The following MEMO1 variants were observed in gnomAD, a reference collection of about 807,000 sequenced individuals.
MEMO1 encodes the protein protein MEMO1.
Under a neutral mutation model 45.2 loss-of-function variants are expected in MEMO1, and 6 were observed. The observed-to-expected ratio is 0.13, with a 90% confidence interval of 0.07 to 0.26. The LOEUF (loss-of-function observed/expected upper bound fraction) is 0.26, where lower values mean the gene tolerates loss of function less well. Among genes scored for constraint, MEMO1 ranks in the 10% least tolerant of loss-of-function variants. MEMO1 has a pLI of 1.00. For missense variants in MEMO1, 184 were observed against 370.5 expected, an observed-to-expected ratio of 0.50 and a Z score of 4.13; for synonymous variants, 78 against 124.3, an observed-to-expected ratio of 0.63 and a Z score of 2.48.
chr2:31,977,209 G>A (rs1444006322), intron 2 of MEMO1, among the ~76,000 whole-genome samples: 2 of 152,260 alleles, frequency 1.3e-5, no homozygotes, highest in East Asian at 3.9e-4. Context: ...AACCTGCATA[G>A]TTGAGAAAGG....
intron 2 of MEMO1, among the ~76,000 whole-genome samples, chr2:31,977,507 CT>C (rs1572872375): frequency 6.6e-6 from 1 of 151,984 alleles, no homozygotes; most frequent in East Asian, 1.9e-4. Flanking sequence ...AATTTATTTA[CT>C]TATTTAATTT....
chr2:31,945,583 T>C (rs555914920), intron 2 of MEMO1, among the ~76,000 whole-genome samples: 1 of 152,316 alleles, frequency 6.6e-6, no homozygotes, highest in East Asian at 1.9e-4. Flanking sequence ...TCTGCCTGCT[T>C]AGAGATGTAT....
At chr2:31,981,074 A>C (rs1670578661) in intron 2 of MEMO1, among the ~76,000 whole-genome samples, 1 of 152,234 alleles carries the variant, frequency 6.6e-6, no homozygotes, top group African/African-American at 2.4e-5. Flanking sequence ...GAATAACCTA[A>C]TGTCAAAATA....
chr2:31,948,052 G>C (rs1417607931), intron 2 of MEMO1, among the ~76,000 whole-genome samples: 1 of 152,214 alleles, frequency 6.6e-6, no homozygotes, highest in East Asian at 1.9e-4. Flanking sequence ...CAGTAGGACT[G>C]AGATTCTGCA....
At chr2:31,956,767 C>T (rs550101335) in intron 2 of MEMO1, among the ~76,000 whole-genome samples, 8 of 152,256 alleles carry the variant, frequency 5.3e-5, no homozygotes, top group African/African-American at 9.6e-5. Context: ...AGGTACAATA[C>T]GTTGCCATTT....
intron 2 of MEMO1, among the ~76,000 whole-genome samples, chr2:31,950,106 C>T (rs1666662523): frequency 6.6e-6 from 1 of 152,108 alleles, no homozygotes; most frequent in Non-Finnish European, 1.5e-5. Flanking sequence ...TATTGCCGGG[C>T]GCAGTGGCTC....
intron 7 of MEMO1, among the ~76,000 whole-genome samples, chr2:31,888,464 A>T (rs1004960708): frequency 2.0e-5 from 3 of 152,140 alleles, no homozygotes; most frequent in African/African-American, 7.2e-5. Context: ...TATATGAAGA[A>T]GGCCAAAACT....
chr2:31,874,748 A>G lies in MEMO1; in HGVS notation c.658-4796T>C, dbSNP rs868135241. On this transcript the variant is annotated intron_variant, in intron 8 of 9. Coordinates refer to ENST00000404530, the MANE Select transcript of MEMO1 (RefSeq NM_001301833.4). The stretch of plus-strand genomic sequence containing the variant: ...CTTATACAGAGAACCATCCAAGTAC[A>G]TTTTGTCTGAAAAGATCACATATGA... Among the ~76,000 whole-genome samples, 19 of 151,970 alleles carry G rather than the reference A, an allele frequency of 1.3e-4. 1 individual carries two copies. The highest frequency in any genetic ancestry group is 5.9e-4 in the Admixed American group (9 of 15,268).
intron 6 of MEMO1, among the ~76,000 whole-genome samples, chr2:31,904,962 A>G (rs1293966593): frequency 1.3e-5 from 2 of 152,176 alleles, no homozygotes; most frequent in Non-Finnish European, 2.9e-5. Context: ...GGCTGGGCGC[A>G]ATGGCTCATG....
intron 2 of MEMO1, chr2:31,963,150 C>T: frequency 1.3e-6 from 2 of 1,525,522 alleles, no homozygotes; most frequent in Non-Finnish European, 1.8e-6. Context: ...CTTAGGGCTT[C>T]AGACTCAAAG....
intron 3 of MEMO1, among the ~76,000 whole-genome samples, chr2:31,935,913 T>C (rs1664865091): frequency 6.6e-6 from 1 of 152,256 alleles, no homozygotes; most frequent in East Asian, 1.9e-4. Context: ...TATTCTAATA[T>C]GCACTGTAAA....
chr2:31,945,538 A>T (rs995319710), intron 2 of MEMO1, among the ~76,000 whole-genome samples: 1 of 152,194 alleles, frequency 6.6e-6, no homozygotes, highest in Non-Finnish European at 1.5e-5. Context: ...CCCTTTTCTT[A>T]GAGGATTTTC....
intron 3 of MEMO1, among the ~76,000 whole-genome samples, chr2:31,937,042 C>T (rs1344198770): frequency 6.6e-6 from 1 of 152,182 alleles, no homozygotes; most frequent in Non-Finnish European, 1.5e-5. Flanking sequence ...CAGATGGGAT[C>T]AATTTGATTG....
At chr2:31,919,711 T>C (rs1439836908) in intron 5 of MEMO1, among the ~76,000 whole-genome samples, 1 of 152,056 alleles carries the variant, frequency 6.6e-6, no homozygotes, top group South Asian at 2.1e-4. Context: ...TAGTCCTACC[T>C]ACTTGGGAGG....
intron 2 of MEMO1, among the ~76,000 whole-genome samples, chr2:31,964,698 T>C (rs1478490223): frequency 6.6e-6 from 1 of 151,528 alleles, no homozygotes; most frequent in Admixed American, 6.6e-5. Context: ...CGAAACTCCA[T>C]CTCAAAAAAA....
intron 2 of MEMO1, among the ~76,000 whole-genome samples, chr2:32,005,301 CAG>C (rs1673922879): frequency 9.0e-6 from 1 of 111,414 alleles, no homozygotes; most frequent in African/African-American, 3.6e-5. Context: ...GCCTGGGTGA[CAG>C]AGAGACTCTG....
At chr2:31,999,937 G>A (rs35169556) in intron 2 of MEMO1, among the ~76,000 whole-genome samples, 8 of 147,596 alleles carry the variant, frequency 5.4e-5, no homozygotes, top group East Asian at 2.0e-4. Flanking sequence ...AGGCTGGAGC[G>A]TAGTGGTGAA....
chr2:31,969,875 C>A (rs975042720), intron 2 of MEMO1, among the ~76,000 whole-genome samples: 1 of 151,648 alleles, frequency 6.6e-6, no homozygotes, highest in South Asian at 2.1e-4. Flanking sequence ...GGATTATAGG[C>A]GTGAGCCACT....
At chr2:31,970,559 ATCATCTTTTT>A (rs1669264641) in intron 2 of MEMO1, among the ~76,000 whole-genome samples, 1 of 152,062 alleles carries the variant, frequency 6.6e-6, no homozygotes, top group South Asian at 2.1e-4. Context: ...ACTATCTGTT[ATCATCTTTTT>A]TTTAACCAAA....
Sources: gnomAD v4.1 joint callset for allele counts (sites outside exome capture counted in the v4.1 genomes callset) on GRCh38, gnomAD v4.1.1 for gene constraint, MANE v1.5 for transcripts, NCBI Gene and HGNC (gene_info 2026-07-23, HGNC 2026-07-21) for gene names.